Variants in TGFBI observed in about 807,000 individuals in gnomAD.
The protein encoded by TGFBI is transforming growth factor beta induced.
Under a neutral mutation model 73.7 loss-of-function variants are expected in TGFBI, and 50 were observed. The ratio of observed to expected loss-of-function variants is 0.68; its 90% CI spans 0.54 to 0.86. The LOEUF (loss-of-function observed/expected upper bound fraction) is 0.86. TGFBI is among the 40% of genes least tolerant of loss of function. The pLI is 0.00. For missense variants in TGFBI, 839 were observed against 877.0 expected, an observed-to-expected ratio of 0.96 and a Z score of 0.55; for synonymous variants, 362 against 360.5, an observed-to-expected ratio of 1.00 and a Z score of -0.05.
chr5:136,054,743 C>T lies in TGFBI; in HGVS notation c.1292C>T (p.Thr431Ile). The change falls in exon 10 of 17, where the codon ACA becomes ATA. Residue 431 changes from threonine (T) to isoleucine (I), a missense_variant. Physicochemically the swap from Thr to Ile is moderately conservative, Grantham distance 89. Coordinates refer to ENST00000442011, the MANE Select transcript of TGFBI (RefSeq NM_000358.3). ...KDGTPPIDAH[T>I]RNLLRNHIIK... ...GGAACCCCTCCAATTGATGCCCATA[C>T]AAGGAATTTGCTTCGGAACCACATA... 1 of 1,613,944 alleles carries T rather than the reference C, an allele frequency of 6.2e-7. No individual in the cohort carries two copies. The highest frequency in any genetic ancestry group is 8.5e-7 in the Non-Finnish European group (1 of 1,179,876).
At chr5:136,034,242 G>A (rs970072986) in intron 2 of TGFBI, among the ~76,000 whole-genome samples, 33 of 152,024 alleles carry the variant, frequency 2.2e-4, no homozygotes, top group African/African-American at 8.0e-4. Flanking sequence ...ACTAAAGAAT[G>A]CCATCCCTAT....
At position 136,061,557 on chromosome 5, in the gene TGFBI, A is replaced by T; in HGVS notation, c.1964A>T (p.Lys655Ile). The T allele has an allele frequency of 6.2e-7, 1 of 1,613,384 alleles. No individual in the cohort carries two copies. Among genetic ancestry groups the T allele is most frequent in the Non-Finnish European group, 8.5e-7 (1 of 1,179,658 alleles). ...GCAGACTCTGCGCTTGAGATCTTCA[A>T]ACAAGCATCAGCGTTTTCCAGGGTA... is the stretch of plus-strand genomic sequence containing the variant. ...ELADSALEIF[K>I]QASAFSRASQ... The change falls in exon 15 of 17, where the codon AAA becomes ATA. Residue 655 changes from lysine to isoleucine, a missense_variant. Physicochemically the swap from Lys to Ile is moderately radical, Grantham distance 102. Coordinates refer to ENST00000442011, the MANE Select transcript of TGFBI (RefSeq NM_000358.3).
At chr5:136,050,334 G>GAA (rs10706409) in intron 7 of TGFBI, among the ~76,000 whole-genome samples, 3 of 131,456 alleles carry the variant, frequency 2.3e-5, no homozygotes, top group Non-Finnish European at 3.2e-5. Context: ...TCCGTCTCAA[G>GAA]AAAAAAAAAA....
intron 2 of TGFBI, among the ~76,000 whole-genome samples, chr5:136,036,730 G>C (rs1751228614): frequency 6.6e-6 from 1 of 152,196 alleles, no homozygotes; most frequent in Non-Finnish European, 1.5e-5. Flanking sequence ...GTGAGGAGCA[G>C]ACTGGGAAAT....
chr5:136,047,949 A>G (rs1487108861), intron 6 of TGFBI: 1 of 152,826 alleles, frequency 6.5e-6, no homozygotes, highest in African/African-American at 2.4e-5. Context: ...TCCTTCCCCC[A>G]TGCCCAGCAG....
intron 13 of TGFBI, among the ~76,000 whole-genome samples, chr5:136,059,645 T>C (rs2126917055): frequency 6.6e-6 from 1 of 152,306 alleles, no homozygotes; most frequent in Non-Finnish European, 1.5e-5. Context: ...GAGCCTTCCC[T>C]TGCTCTGCAC....
intron 13 of TGFBI, among the ~76,000 whole-genome samples, chr5:136,059,824 T>G (rs1394283845): frequency 6.6e-6 from 1 of 152,224 alleles, no homozygotes; most frequent in Non-Finnish European, 1.5e-5. Flanking sequence ...CTCTTGGTCT[T>G]CAGCCATCCA....
intron 7 of TGFBI, 118 bp downstream of exon 7, chr5:136,049,698 T>G: frequency 8.0e-7 from 1 of 1,254,812 alleles, no homozygotes. Flanking sequence ...GGATATCCAC[T>G]GCAGCCATGG....
chr5:136,054,571 A>G, intron 9 of TGFBI, 145 bp from the exon 10 acceptor site: 2 of 1,047,976 alleles, frequency 1.9e-6, no homozygotes, highest in Non-Finnish European at 3.0e-6. Context: ...CCAGATGTTA[A>G]GGAATATTGG....
At position 136,034,047 on chromosome 5, in the gene TGFBI, T is replaced by C. The variant is rs372749224; in HGVS notation, c.233+186T>C. ...GGAAGCTGGCCAATTTTGTTTTGCA[T>C]TTTTAAGGCTGCTGACAAGACTTGG... On this transcript the variant is annotated intron_variant, in intron 2 of 16. Transcript: ENST00000442011. 2.7e-4 allele frequency among the ~76,000 whole-genome samples: 41 copies of C among 152,304 alleles called. 1 individual carries two copies. In the South Asian group the frequency reaches 8.3e-3, roughly 31 times the overall value.
At chr5:136,046,525 T>A (rs375468809) in intron 4 of TGFBI, 30 bp downstream of exon 4, 327 of 1,572,872 alleles carry the variant, frequency 2.1e-4, no homozygotes, top group Non-Finnish European at 2.7e-4. Context: ...CCCGGGGGAC[T>A]CTTATGGGGA....
At chr5:136,034,463 T>C (rs1394707766) in intron 2 of TGFBI, among the ~76,000 whole-genome samples, 1 of 151,984 alleles carries the variant, frequency 6.6e-6, no homozygotes, top group Admixed American at 6.6e-5. Context: ...GTTACAAGGA[T>C]TGAATGAAAT....
intron 6 of TGFBI, 178 bp downstream of exon 6, chr5:136,047,598 T>C (rs1338411125): frequency 1.3e-6 from 1 of 744,712 alleles, no homozygotes; most frequent in Non-Finnish European, 2.2e-6. Flanking sequence ...CAGCTTGACC[T>C]AACCTGTGAA....
chr5:136,043,953 A>G, intron 2 of TGFBI, 105 bp from the exon 3 acceptor site: 1 of 885,988 alleles, frequency 1.1e-6, no homozygotes, highest in Non-Finnish European at 1.9e-6. Flanking sequence ...TTCACCCACC[A>G]TTCCTCTTCC....
At chr5:136,037,228 T>A (rs770769264) in intron 2 of TGFBI, among the ~76,000 whole-genome samples, 1 of 152,236 alleles carries the variant, frequency 6.6e-6, no homozygotes, top group Non-Finnish European at 1.5e-5. Flanking sequence ...TGGCTGTTAT[T>A]GTGAATTTTA....
chr5:136,038,626 C>A (rs10053962), intron 2 of TGFBI, among the ~76,000 whole-genome samples: 1 of 150,962 alleles, frequency 6.6e-6, no homozygotes, highest in East Asian at 1.9e-4. Flanking sequence ...GAGGCTGAGG[C>A]GGGAGAATTG....
At chr5:136,051,003 G>C (rs1411087510) in intron 7 of TGFBI, among the ~76,000 whole-genome samples, 1 of 152,206 alleles carries the variant, frequency 6.6e-6, no homozygotes, top group Admixed American at 6.5e-5. Context: ...TGCAATGACA[G>C]AGATACTCAC....
intron 15 of TGFBI, among the ~76,000 whole-genome samples, chr5:136,062,292 C>T (rs1378416284): frequency 6.6e-6 from 1 of 152,160 alleles, no homozygotes; most frequent in Non-Finnish European, 1.5e-5. Flanking sequence ...TACTGTGTCA[C>T]TTTACTTTTG....
At chr5:136,043,501 T>C (rs1751374577) in intron 2 of TGFBI, among the ~76,000 whole-genome samples, 2 of 152,214 alleles carry the variant, frequency 1.3e-5, no homozygotes, top group Non-Finnish European at 2.9e-5. Context: ...ATTGTAGATA[T>C]ATTCCCCTCT....
Sources: allele counts gnomAD v4.1 joint callset (sites outside exome capture counted in the v4.1 genomes callset), GRCh38; gene constraint gnomAD v4.1.1; transcripts MANE v1.5; gene names NCBI Gene and HGNC (gene_info 2026-07-23, HGNC 2026-07-21).